The following FOXN3 variants were observed in gnomAD, a reference collection of about 807,000 sequenced individuals.
The protein encoded by FOXN3 is forkhead box protein N3.
A neutral mutation model predicts 38.4 loss-of-function variants in FOXN3; 7 were observed. The observed-to-expected ratio is 0.18, with a 90% CI of 0.10 to 0.34. The LOEUF is 0.34. FOXN3 is among the 10% of genes least tolerant of loss of function. The pLI, the probability that FOXN3 is intolerant of heterozygous loss-of-function variation, is 1.00. For missense variants in FOXN3, 456 were observed against 613.4 expected, an observed-to-expected ratio of 0.74 and a Z score of 2.71; for synonymous variants, 230 against 242.2, an observed-to-expected ratio of 0.95 and a Z score of 0.47.
intron 2 of FOXN3, among the ~76,000 whole-genome samples, chr14:89,371,173 T>G (rs1237811764): frequency 6.6e-6 from 1 of 152,174 alleles, no homozygotes; most frequent in Non-Finnish European, 1.5e-5. Context: ...TCAGAGAGGC[T>G]GCGAAGAGGC....
At chr14:89,218,686 C>T (rs907508210) in intron 4 of FOXN3, among the ~76,000 whole-genome samples, 1 of 152,106 alleles carries the variant, frequency 6.6e-6, no homozygotes, top group Non-Finnish European at 1.5e-5. Flanking sequence ...CAATCTTTGG[C>T]TTTTATAAAG....
At chr14:89,585,811 A>C (rs927338508) in intron 1 of FOXN3, among the ~76,000 whole-genome samples, 1 of 152,080 alleles carries the variant, frequency 6.6e-6, no homozygotes, top group African/African-American at 2.4e-5. Flanking sequence ...AATAATAGAC[A>C]CAACAAATAG....
At chr14:89,616,475 T>C (rs1021602216) in intron 1 of FOXN3, among the ~76,000 whole-genome samples, 9 of 152,088 alleles carry the variant, frequency 5.9e-5, no homozygotes, top group Non-Finnish European at 1.2e-4. Flanking sequence ...CTCTCTTATA[T>C]TTCCCAAAGT....
At chr14:89,406,915 G>C (rs1891403002) in intron 2 of FOXN3, among the ~76,000 whole-genome samples, 1 of 149,186 alleles carries the variant, frequency 6.7e-6, no homozygotes, top group Admixed American at 6.7e-5. Flanking sequence ...AGTAAGACCT[G>C]TATTTAGGGA....
intron 1 of FOXN3, among the ~76,000 whole-genome samples, chr14:89,453,191 C>T (rs1892650686): frequency 6.6e-6 from 1 of 150,872 alleles, no homozygotes; most frequent in South Asian, 2.1e-4. Context: ...AAGAGGAAAA[C>T]TCCGTCTCAA....
At position 89,160,265 on chromosome 14, in the gene FOXN3, C is replaced by G. The variant is rs1207363502; in HGVS notation, c.*2149G>C. ...AAAATTTCTTAGGCAAAGGTAACAA[C>G]AGGAGTTTCTGGGCTGCATGACGTT... On this transcript the variant is annotated 3_prime_UTR_variant, in exon 6 of 6. Transcript: ENST00000557258. 1.5e-5 allele frequency: 2 copies of G among 131,824 alleles called. No homozygotes were observed. Among genetic ancestry groups the G allele is most frequent in the East Asian group, 4.8e-4 (2 of 4,154 alleles). 8.2% of individuals were successfully genotyped at this position (131,824 alleles called of 1,614,324 possible).
At chr14:89,550,001 G>A (rs993720188) in intron 1 of FOXN3, among the ~76,000 whole-genome samples, 4 of 152,110 alleles carry the variant, frequency 2.6e-5, no homozygotes, top group Non-Finnish European at 4.4e-5. Context: ...TAATGCATGC[G>A]GCATCACAAG....
At chr14:89,509,399 A>T (rs1894013216) in intron 1 of FOXN3, among the ~76,000 whole-genome samples, 1 of 152,148 alleles carries the variant, frequency 6.6e-6, no homozygotes, top group South Asian at 2.1e-4. Flanking sequence ...CAGTGGCATG[A>T]TCTCAGTTCA....
chr14:89,357,392 A>T (rs1331032010), intron 2 of FOXN3, among the ~76,000 whole-genome samples: 1 of 152,158 alleles, frequency 6.6e-6, no homozygotes, highest in Non-Finnish European at 1.5e-5. Flanking sequence ...GGATCATCTG[A>T]GGTCAGGAGT....
At chr14:89,265,270 TTC>T (rs1368828247) in intron 4 of FOXN3, among the ~76,000 whole-genome samples, 3 of 152,148 alleles carry the variant, frequency 2.0e-5, no homozygotes, top group African/African-American at 7.2e-5. Flanking sequence ...AGTGATGCCT[TTC>T]AAATGGCATT....
chr14:89,485,759 G>C (rs538802678), intron 1 of FOXN3, among the ~76,000 whole-genome samples: 6 of 152,248 alleles, frequency 3.9e-5, no homozygotes, highest in African/African-American at 1.4e-4. Flanking sequence ...GGGGAGTCTG[G>C]TTCTGGGTGG....
In FOXN3 at chr14:89,617,805, T is replaced by C. The variant is rs189939931; in HGVS notation, c.-15+1223A>G. Among the ~76,000 whole-genome samples the C allele has an allele frequency of 1.9e-3, 283 of 152,294 alleles. 3 individuals are homozygous for C. Among genetic ancestry groups the C allele is most frequent in the African/African-American group, 6.6e-3 (276 of 41,570 alleles). ...CTGCACCCAAATGAAAAACCGACCC[T>C]GCAGAAATCTGTGCACAAGAGGGCT... On this transcript the variant is annotated intron_variant, in intron 1 of 6. Coordinates refer to the FOXN3 transcript ENST00000345097.
rs537163882 is a variant in FOXN3 at position 89,606,067 on chromosome 14, G to T, written c.-15+12961C>A. On this transcript the variant is annotated intron_variant, in intron 1 of 6. Transcript: ENST00000345097. ...CAAGCATATAAATGATATCACAAAT[G>T]AAAAACTGCGATGGCACAGAGATTA... Among the ~76,000 whole-genome samples, 15 of 151,874 alleles carry T rather than the reference G, an allele frequency of 9.9e-5. No individual in the cohort carries two copies. In the South Asian group the frequency reaches 3.1e-3, roughly 32 times the overall value.
At chr14:89,241,149 C>T (rs1885129199) in intron 4 of FOXN3, among the ~76,000 whole-genome samples, 1 of 152,220 alleles carries the variant, frequency 6.6e-6, no homozygotes, top group African/African-American at 2.4e-5. Flanking sequence ...ACTCCCTAAC[C>T]AAAGTGACAC....
intron 3 of FOXN3, among the ~76,000 whole-genome samples, chr14:89,308,922 G>T (rs1887454104): frequency 6.6e-6 from 1 of 152,296 alleles, no homozygotes; most frequent in Non-Finnish European, 1.5e-5. Context: ...AGAGGAACAG[G>T]TATCTGAAGC....
At chr14:89,388,933 G>A (rs1454367146) in intron 2 of FOXN3, among the ~76,000 whole-genome samples, 2 of 152,044 alleles carry the variant, frequency 1.3e-5, no homozygotes, top group African/African-American at 4.8e-5. Context: ...TTCAGCAAGG[G>A]ATCCCAGAAA....
Position 89,501,367 on chromosome 14 carries a change from G to A in FOXN3, c.-14-88877C>T, listed in dbSNP as rs187101070. Among the ~76,000 whole-genome samples, 704 of 152,158 alleles carry A rather than the reference G, an allele frequency of 4.6e-3. 4 individuals are homozygous for A. Among genetic ancestry groups the A allele is most frequent in the Middle Eastern group, 0.01 (3 of 294 alleles). On this transcript the variant is annotated intron_variant, in intron 1 of 6. Transcript: ENST00000345097. ...TTCTCACACAGCAGCTCACGATGGC[G>A]GGCAGTCAGGTCGGGAGTGGACGAG...
chr14:89,540,886 T>C (rs1894779820), intron 1 of FOXN3, among the ~76,000 whole-genome samples: 1 of 152,184 alleles, frequency 6.6e-6, no homozygotes, highest in African/African-American at 2.4e-5. Context: ...GTCTTAAAAA[T>C]ACTTTTGTTG....
chr14:89,408,193 C>T (rs1891443012), intron 2 of FOXN3, among the ~76,000 whole-genome samples: 1 of 152,094 alleles, frequency 6.6e-6, no homozygotes, highest in East Asian at 1.9e-4. Context: ...ACCTAGGAAG[C>T]TTAGCAGAAC....
Sources: allele counts gnomAD v4.1 joint callset (sites outside exome capture counted in the v4.1 genomes callset), GRCh38; gene constraint gnomAD v4.1.1; transcripts MANE v1.5; gene names NCBI Gene and HGNC (gene_info 2026-07-23, HGNC 2026-07-21).